Variants in WDFY4 observed in about 807,000 individuals in gnomAD.
WDFY4 encodes the protein WDFY family member 4.
Under a neutral mutation model 351.9 loss-of-function variants are expected in WDFY4, and 169 were observed. The ratio of observed to expected loss-of-function variants is 0.48; its 90% CI spans 0.42 to 0.55. The LOEUF is 0.55. Ranked by LOEUF, WDFY4 falls within the 20% of genes least tolerant of loss-of-function variation. The pLI, the probability that WDFY4 is intolerant of heterozygous loss-of-function variation, is 0.00. For missense variants in WDFY4, 3,803 were observed against 3,935.6 expected (o/e 0.97, Z 0.90); for synonymous variants, 1,622 against 1,574.6 (o/e 1.03, Z -0.71).
In WDFY4 at chr10:48,780,008, G is replaced by A. The variant is rs779485522; in HGVS notation, c.3465G>A (p.Gln1155=). The change falls in exon 19 of 62, where the codon CAG becomes CAA. Residue 1155 remains glutamine (Q), a synonymous_variant. Transcript: ENST00000325239. The part of the protein sequence containing the change: ...AGCQLQVRCG[Q]LLACGQWHHL... The stretch of plus-strand genomic sequence containing the variant: ...GCCAGCTTCAGGTCAGGTGTGGCCA[G>A]CTCCTGGCTTGTGGTCAGTGGCATC... 6.4e-7 allele frequency: 1 copy of A among 1,551,860 alleles called. No homozygotes were observed. Among genetic ancestry groups the A allele is most frequent in the Non-Finnish European group, 8.7e-7 (1 of 1,147,036 alleles).
chr10:48,810,415 G>A (rs2067407437), intron 28 of WDFY4, 115 bp from the exon 29 acceptor site: 1 of 948,534 alleles, frequency 1.1e-6, no homozygotes, highest in Non-Finnish European at 1.5e-6. Flanking sequence ...AATAAGTGAT[G>A]TTAACCTTAA....
At chr10:48,893,383 G>C (rs555902625) in intron 44 of WDFY4, among the ~76,000 whole-genome samples, 6 of 152,246 alleles carry the variant, frequency 3.9e-5, no homozygotes, top group African/African-American at 1.4e-4. Context: ...TATCTCTTTT[G>C]GGGGACACGG....
In WDFY4 at chr10:48,901,806, G is replaced by T; in HGVS notation, c.7529G>T (p.Cys2510Phe). ...TCCCTTCCCTTTTCATGTAGCTTCT[G>T]CTCTTTCCAACCCAGCCTGAAGGGG... ...NDRSKAFKSFCSFQPSLKGKA... is the reference protein window; with the variant it reads ...NDRSKAFKSFFSFQPSLKGKA... The change falls in exon 47 of 62, where the codon TGC (cysteine) becomes TTC (phenylalanine). Residue 2510 changes from cysteine (C) to phenylalanine (F), a missense_variant. Physicochemically the swap from Cys to Phe is radical, Grantham distance 205. Transcript: ENST00000325239. 2 of 1,551,482 alleles carry T rather than the reference G, an allele frequency of 1.3e-6. No individual in the cohort carries two copies. Among genetic ancestry groups the T allele is most frequent in the Non-Finnish European group, 1.7e-6 (2 of 1,146,862 alleles).
intron 1 of WDFY4, among the ~76,000 whole-genome samples, chr10:48,703,921 C>T (rs1470027368): frequency 6.6e-6 from 1 of 152,110 alleles, no homozygotes; most frequent in African/African-American, 2.4e-5. Context: ...GATAGTGACA[C>T]CAAGAGACCT....
intron 13 of WDFY4, among the ~76,000 whole-genome samples, chr10:48,764,744 T>G (rs1416252225): frequency 6.6e-6 from 1 of 152,250 alleles, no homozygotes; most frequent in Non-Finnish European, 1.5e-5. Context: ...CTTTTGTGAA[T>G]AATTACAGAC....
At chr10:48,897,248 G>T (rs1359674332) in intron 44 of WDFY4, among the ~76,000 whole-genome samples, 2 of 152,330 alleles carry the variant, frequency 1.3e-5, no homozygotes, top group Non-Finnish European at 2.9e-5. Context: ...TCAGCGGCCA[G>T]TGCTAGAGCT....
chr10:48,827,030 G>A (rs2068032011), intron 36 of WDFY4, 121 bp downstream of exon 36: 1 of 837,178 alleles, frequency 1.2e-6, no homozygotes, highest in Non-Finnish European at 1.8e-6. Context: ...TGTTTATCTG[G>A]TCTTCCATAT....
At position 48,731,456 on chromosome 10, in the gene WDFY4, C is replaced by T; in HGVS notation, c.1476C>T (p.Ser492=). 3 of 1,551,718 alleles carry T rather than the reference C, an allele frequency of 1.9e-6. No homozygotes were observed. The highest frequency in any genetic ancestry group is 2.6e-6 in the Non-Finnish European group (3 of 1,147,004). The part of the protein sequence containing the change: ...CTLMALQSIL[S]IAGGDPLFTD... ...TCATGGCCCTGCAGAGCATCCTCAG[C>T]ATCGCTGGTGGGGACCCCCTCTTCA... Residue 492 remains serine, a synonymous_variant, in exon 9 of 62, where the codon AGC becomes AGT. Transcript: ENST00000325239.
chr10:48,833,343 GACCTTAAGGGGGGCTATTGGCTGGAAC>G (rs1325731849), intron 39 of WDFY4, among the ~76,000 whole-genome samples: 1 of 152,098 alleles, frequency 6.6e-6, no homozygotes, highest in Non-Finnish European at 1.5e-5. Context: ...TTTAGTCTGA[GACCTTAAGGGGGGCTATTGGCTGGAAC>G]ACCTACACAT....
intron 2 of WDFY4, among the ~76,000 whole-genome samples, chr10:48,712,120 T>C (rs1429339788): frequency 1.3e-5 from 2 of 152,242 alleles, no homozygotes; most frequent in Non-Finnish European, 2.9e-5. Flanking sequence ...GTTGAACATG[T>C]GGGCTTTCTA....
In WDFY4 at chr10:48,805,329, T is replaced by G; in HGVS notation, c.4554T>G (p.Asn1518Lys). Residue 1518 changes from asparagine (N) to lysine (K), a missense_variant, in exon 26 of 62, where the codon AAT becomes AAG. This residue lies in a region of WDFY4 where 3,054 missense variants were observed against 3,148.6 expected (regional missense o/e 0.97). Coordinates refer to ENST00000325239, the MANE Select transcript of WDFY4 (RefSeq NM_001394531.1). ...TACCCAAGCTCATCTTCCTATTCAA[T>G]GAGCCGAGCCTCATCCCCTCCAAGA... ...QLIPKLIFLF[N>K]EPSLIPSKIS... 6.5e-7 allele frequency: 1 copy of G among 1,548,836 alleles called. No individual in the cohort carries two copies. The highest frequency in any genetic ancestry group is 8.7e-7 in the Non-Finnish European group (1 of 1,146,988).
intron 51 of WDFY4, among the ~76,000 whole-genome samples, chr10:48,953,416 G>T (rs1417054196): frequency 6.6e-6 from 1 of 151,588 alleles, no homozygotes; most frequent in Non-Finnish European, 1.5e-5. Flanking sequence ...GGCATGGGCG[G>T]TTAAAGAGAT....
At chr10:48,719,910 C>A (rs190245829) in intron 2 of WDFY4, 101 bp from the exon 3 acceptor site, 2 of 1,061,260 alleles carry the variant, frequency 1.9e-6, no homozygotes, top group Admixed American at 4.2e-5. Context: ...GAAAGGAAGT[C>A]GAGCTGTCAG....
chr10:48,934,331 A>G (rs1840218703), intron 47 of WDFY4, among the ~76,000 whole-genome samples: 1 of 152,186 alleles, frequency 6.6e-6, no homozygotes, highest in Non-Finnish European at 1.5e-5. Flanking sequence ...TGGACCACCC[A>G]CTATAGGCCA....
intron 40 of WDFY4, among the ~76,000 whole-genome samples, chr10:48,870,731 C>T (rs1328535569): frequency 6.6e-6 from 1 of 152,164 alleles, no homozygotes; most frequent in African/African-American, 2.4e-5. Flanking sequence ...GGTGTGGAAA[C>T]TCAGGACTTT....
Position 48,731,573 on chromosome 10 carries a change from G to A in WDFY4, c.1582+11G>A, listed in dbSNP as rs926204784. 1.9e-6 allele frequency: 3 copies of A among 1,547,184 alleles called. No homozygotes were observed. Among genetic ancestry groups the A allele is most frequent in the South Asian group, 1.2e-5 (1 of 83,662 alleles). On this transcript the variant is annotated intron_variant, in intron 9 of 61. Coordinates refer to ENST00000325239, the MANE Select transcript of WDFY4 (RefSeq NM_001394531.1). ...TCATGAGGAAGTCAGGTGCCACTGG[G>A]TGCATTGGGAGGGATGGGCAGGGGT...
intron 2 of WDFY4, among the ~76,000 whole-genome samples, chr10:48,719,150 C>T (rs552201671): frequency 6.6e-5 from 10 of 152,186 alleles, no homozygotes; most frequent in African/African-American, 2.4e-4. Context: ...AATTAAAAGA[C>T]AAAATGACAA....
intron 11 of WDFY4, among the ~76,000 whole-genome samples, chr10:48,740,471 C>G (rs1262611212): frequency 1.3e-5 from 2 of 152,208 alleles, no homozygotes; most frequent in Non-Finnish European, 2.9e-5. Context: ...GGGGCAGGGA[C>G]AGGCAGCTGC....
chr10:48,877,088 C>A lies in WDFY4; in HGVS notation c.7056C>A (p.Cys2352Ter). The change falls in exon 43 of 62, where the codon TGC (cysteine) becomes TGA (stop). Residue 2352 changes from cysteine (C) to a stop codon, truncating the protein, a stop_gained. Transcript: ENST00000325239. LOFTEE classifies it high-confidence loss of function. ...AGCCGGACGAGGTGGGGGTGGACTG[C>A]ACCCAGCTGACCTTCTTCCCAGCCT... ...EGEPDEVGVD[C>*]TQLTFFPALH... The A allele has an allele frequency of 6.5e-7, 1 of 1,543,536 alleles. No homozygotes were observed.
Sources: allele counts gnomAD v4.1 joint callset (sites outside exome capture counted in the v4.1 genomes callset), GRCh38; gene constraint gnomAD v4.1.1; regional missense constraint gnomAD v4.1.1; transcripts MANE v1.5; gene names NCBI Gene and HGNC (gene_info 2026-07-23, HGNC 2026-07-21).